DGKG: variants seen among roughly 807,000 people sequenced by gnomAD.
DGKG encodes diacylglycerol kinase gamma, also known as DAG kinase gamma.
Under a neutral mutation model 105.3 loss-of-function variants are expected in DGKG, and 78 were observed. The ratio of observed to expected loss-of-function variants is 0.74; its 90% CI spans 0.62 to 0.89. The LOEUF is 0.89. Among genes scored for constraint, DGKG ranks in the 40% least tolerant of loss-of-function variants. DGKG has a pLI of 0.00. For synonymous variants in DGKG, 346 were observed against 367.1 expected (o/e 0.94, Z 0.66); for missense variants, 958 against 1,020.1 (o/e 0.94, Z 0.83).
intron 3 of DGKG, among the ~76,000 whole-genome samples, chr3:186,299,572 G>T (rs1388421556): frequency 6.6e-6 from 1 of 152,126 alleles, no homozygotes; most frequent in Non-Finnish European, 1.5e-5. Flanking sequence ...CATTTCTTGT[G>T]ACAGCTACCC....
intron 21 of DGKG, among the ~76,000 whole-genome samples, chr3:186,202,192 T>C (rs1466086046): frequency 6.6e-6 from 1 of 152,258 alleles, no homozygotes; most frequent in Non-Finnish European, 1.5e-5. Flanking sequence ...GTTGCTGCTA[T>C]TGTTATTCAT....
At chr3:186,186,576 C>T (rs191365422) in intron 22 of DGKG, among the ~76,000 whole-genome samples, 1 of 152,326 alleles carries the variant, frequency 6.6e-6, no homozygotes, top group Non-Finnish European at 1.5e-5. Flanking sequence ...ATCCATCCAC[C>T]TATCAAAACT....
intron 22 of DGKG, among the ~76,000 whole-genome samples, chr3:186,187,042 A>G (rs1051889086): frequency 1.3e-5 from 2 of 152,190 alleles, no homozygotes; most frequent in African/African-American, 4.8e-5. Context: ...CGATGGAGAG[A>G]GTGGCAGAAG....
In DGKG at chr3:186,256,380, C is replaced by A. The variant is rs1055209168; in HGVS notation, c.1510+1474G>T. On this transcript the variant is annotated intron_variant, in intron 17 of 24. Transcript: ENST00000265022. Reference sequence around the variant, plus strand: ...CTTGACTTCCCTCGTCCTCTCATCTCCCACATACAGTCTGTCAGCAAATCG... The same window carrying A: ...CTTGACTTCCCTCGTCCTCTCATCTACCACATACAGTCTGTCAGCAAATCG... Among the ~76,000 whole-genome samples the A allele has an allele frequency of 2.6e-5, 4 of 152,190 alleles. No individual in the cohort carries two copies. The East Asian group carries it at 5.8e-4, about 22-fold the overall frequency.
chr3:186,347,421 C>T (rs1726396598), intron 1 of DGKG, among the ~76,000 whole-genome samples: 1 of 141,020 alleles, frequency 7.1e-6, no homozygotes, highest in Non-Finnish European at 1.5e-5. Flanking sequence ...TGCACTCCAG[C>T]CTGGGCGACA....
Position 186,147,943 on chromosome 3 carries a change from T to A in DGKG, c.*2147A>T, listed in dbSNP as rs1440435089. The stretch of plus-strand genomic sequence containing the variant: ...GGCCTGGTTTTCCCCTTACTTAGCA[T>A]TCTGCACTGTTAGGTTGAGCAGAAT... On this transcript the variant is annotated 3_prime_UTR_variant, in exon 25 of 25. Transcript: ENST00000265022. 5.1e-6 allele frequency: 5 copies of A among 985,350 alleles called. No homozygotes were observed. The African/African-American group carries it at 8.7e-5, about 17-fold the overall frequency. The allele number at this position is 985,350 out of a possible 1,614,324, so 61.0% of individuals were successfully genotyped here.
At chr3:186,311,599 G>A (rs746312085) in intron 2 of DGKG, among the ~76,000 whole-genome samples, 7 of 152,096 alleles carry the variant, frequency 4.6e-5, no homozygotes, top group Non-Finnish European at 8.8e-5. Context: ...CAAGAACTCT[G>A]GGACCTAAAC....
chr3:186,353,286 G>A (rs1032194578), intron 1 of DGKG, among the ~76,000 whole-genome samples: 1 of 152,034 alleles, frequency 6.6e-6, no homozygotes, highest in East Asian at 1.9e-4. Flanking sequence ...CCTTTGAGAG[G>A]TTAGGAGGGT....
chr3:186,229,712 G>T (rs967294476), intron 20 of DGKG, among the ~76,000 whole-genome samples: 1 of 152,166 alleles, frequency 6.6e-6, no homozygotes, highest in Non-Finnish European at 1.5e-5. Flanking sequence ...CAGGGGCTGT[G>T]GTGCTCCATC....
intron 1 of DGKG, among the ~76,000 whole-genome samples, chr3:186,334,812 T>C (rs892090602): frequency 6.6e-6 from 1 of 152,110 alleles, no homozygotes; most frequent in Admixed American, 6.5e-5. Flanking sequence ...AATCCTGGAT[T>C]GGAATTATGT....
At chr3:186,319,465 A>G (rs1342544791) in intron 2 of DGKG, among the ~76,000 whole-genome samples, 1 of 152,222 alleles carries the variant, frequency 6.6e-6, no homozygotes, top group Non-Finnish European at 1.5e-5. Context: ...GACCTGTGCA[A>G]GAGCAATAGA....
In DGKG at chr3:186,149,579, C is replaced by G; in HGVS notation, c.*511G>C. The G allele has an allele frequency of 2.0e-6, 2 of 985,708 alleles. No individual in the cohort carries two copies. Among genetic ancestry groups the G allele is most frequent in the Non-Finnish European group, 2.4e-6 (2 of 829,986 alleles). 61.1% of individuals were successfully genotyped at this position (985,708 alleles called of 1,614,324 possible). The stretch of plus-strand genomic sequence containing the variant: ...ACCAACGTGCGCCTGCTGAGCCCTG[C>G]CAAGGATTATGCTCTGAGAGCCGGA... On this transcript the variant is annotated 3_prime_UTR_variant, in exon 25 of 25. Transcript: ENST00000265022.
At position 186,280,735 on chromosome 3, in the gene DGKG, A is replaced by C. The variant is rs765768872; in HGVS notation, c.604T>G (p.Cys202Gly). Residue 202 changes from cysteine to glycine, a missense_variant, in exon 8 of 25, where the codon TGC (cysteine) becomes GGC (glycine). This residue lies in a region of DGKG where 643 missense variants were observed against 619.5 expected (regional missense o/e 1.04). Transcript: ENST00000265022. ...NGLLDQAEMD[C>G]IVNQMLHIAQ... The stretch of plus-strand genomic sequence containing the variant: ...ATATGCAGCATTTGGTTGACAATGC[A>C]ATCCATCTCCTAGAAAATAGCAAAG... The C allele has an allele frequency of 1.4e-5, 23 of 1,613,654 alleles. No homozygotes were observed. The African/African-American group carries it at 2.9e-4, about 21-fold the overall frequency.
chr3:186,165,775 C>T (rs1716513934), intron 22 of DGKG, among the ~76,000 whole-genome samples: 2 of 152,324 alleles, frequency 1.3e-5, no homozygotes, highest in African/African-American at 4.8e-5. Context: ...GATGGTGCTT[C>T]CCCAGTTTCT....
intron 21 of DGKG, among the ~76,000 whole-genome samples, chr3:186,197,251 G>A (rs1718225800): frequency 6.6e-6 from 1 of 152,130 alleles, no homozygotes; most frequent in Non-Finnish European, 1.5e-5. Context: ...GGCTGAGGAA[G>A]AGGCGGACAA....
At chr3:186,233,573 G>T (rs1229910069) in intron 20 of DGKG, among the ~76,000 whole-genome samples, 1 of 152,044 alleles carries the variant, frequency 6.6e-6, no homozygotes, top group Non-Finnish European at 1.5e-5. Flanking sequence ...TCCGCCTCCC[G>T]GGTTCACGCC....
intron 2 of DGKG, among the ~76,000 whole-genome samples, chr3:186,308,203 A>G (rs926019661): frequency 6.6e-6 from 1 of 152,198 alleles, no homozygotes; most frequent in African/African-American, 2.4e-5. Context: ...TTCAGAAGCA[A>G]CTGGAGGCAA....
chr3:186,190,960 C>T (rs1018519874), intron 21 of DGKG, among the ~76,000 whole-genome samples: 1 of 152,126 alleles, frequency 6.6e-6, no homozygotes, highest in Admixed American at 6.6e-5. Flanking sequence ...TGTCACCCAG[C>T]CTACTTTTTG....
chr3:186,337,101 A>T (rs1398779193), intron 1 of DGKG, among the ~76,000 whole-genome samples: 1 of 152,254 alleles, frequency 6.6e-6, no homozygotes, highest in African/African-American at 2.4e-5. Context: ...TCCAGAGCAT[A>T]GAAAAATATG....
Sources: gnomAD v4.1 joint callset for allele counts (sites outside exome capture counted in the v4.1 genomes callset) on GRCh38, gnomAD v4.1.1 for gene constraint, gnomAD v4.1.1 regional missense constraint, MANE v1.5 for transcripts, NCBI Gene and HGNC (gene_info 2026-07-23, HGNC 2026-07-21) for gene names.